The following RELL1 variants were observed in gnomAD, a reference collection of about 807,000 sequenced individuals.
RELL1 encodes the protein RELT-like protein 1.
A neutral mutation model predicts 23.0 loss-of-function variants in RELL1; 10 were observed. That is an observed-to-expected ratio of 0.43 (90% confidence interval 0.27 to 0.74). The LOEUF (loss-of-function observed/expected upper bound fraction) is 0.74. Among genes scored for constraint, RELL1 ranks in the 30% least tolerant of loss-of-function variants. The probability of loss-of-function intolerance (pLI) is 0.19; values close to 1 mark genes in which losing one functional copy is unlikely to be tolerated. For missense variants in RELL1, 315 were observed against 364.4 expected (o/e 0.86, Z 1.10); for synonymous variants, 146 against 146.8 (o/e 0.99, Z 0.04).
intron 1 of RELL1, among the ~76,000 whole-genome samples, chr4:37,681,967 A>T (rs1247369593): frequency 6.6e-6 from 1 of 152,246 alleles, no homozygotes; most frequent in Non-Finnish European, 1.5e-5. Context: ...TCAAAAAAAT[A>T]GTTTAGTAAT....
At chr4:37,677,389 GC>G (rs1014749822) in intron 1 of RELL1, among the ~76,000 whole-genome samples, 9 of 152,306 alleles carry the variant, frequency 5.9e-5, no homozygotes, top group Admixed American at 4.6e-4. Context: ...GTCTCTTCCA[GC>G]CCTAATACTA....
intron 6 of RELL1, among the ~76,000 whole-genome samples, chr4:37,630,367 T>G (rs536155533): frequency 0.011 from 1,251 of 116,466 alleles, 23 homozygotes; most frequent in African/African-American, 0.036. Context: ...TTTTTTTTTT[T>G]TTTTTTTTTT....
At chr4:37,606,028 G>A (rs1577559321), downstream of RELL1, among the ~76,000 whole-genome samples, 6 of 120,292 alleles carry the variant, frequency 5.0e-5, 1 homozygote, top group Admixed American at 5.3e-4. This position sits in a 1 kb window ranked among gnomAD's most constrained non-coding sequence, Gnocchi z 4.1. Context: ...GAAAGAGAAG[G>A]AAGGAGAAAG....
rs1719370469 is a variant in RELL1, at chr4:37,611,370, T to A, written c.*1976A>T. On this transcript the variant is annotated 3_prime_UTR_variant, in exon 7 of 7. Coordinates refer to ENST00000454158, the MANE Select transcript of RELL1 (RefSeq NM_001085400.2). Reference sequence around the variant, plus strand: ...CCAGTCCACAGTGTATATGAATATGTACACATACAGTGTTTATTAGTTGTC... The same window carrying A: ...CCAGTCCACAGTGTATATGAATATGAACACATACAGTGTTTATTAGTTGTC... Among the ~76,000 whole-genome samples, 1 of 152,174 alleles carries A rather than the reference T, an allele frequency of 6.6e-6. No homozygotes were observed.
At chr4:37,610,313 A>AGAC (rs1178496563), downstream of RELL1, among the ~76,000 whole-genome samples, 1 of 152,248 alleles carries the variant, frequency 6.6e-6, no homozygotes, top group African/African-American at 2.4e-5. The surrounding 1 kb of genome is among the most constrained non-coding windows in gnomAD (Gnocchi z 4.1). Context: ...TATACTTAAT[A>AGAC]GACTATAGTA....
chr4:37,626,830 A>C (rs546398450), intron 6 of RELL1, among the ~76,000 whole-genome samples: 4 of 151,824 alleles, frequency 2.6e-5, no homozygotes, highest in African/African-American at 9.7e-5. Context: ...GGAATCTAAA[A>C]AAAGTTGAAC....
intron 6 of RELL1, among the ~76,000 whole-genome samples, chr4:37,604,953 A>T (rs1437829214): frequency 6.7e-6 from 1 of 149,856 alleles, no homozygotes; most frequent in Non-Finnish European, 1.5e-5. Flanking sequence ...ATACACACAC[A>T]GAGACACACA....
chr4:37,646,343 A>G lies in RELL1; in HGVS notation c.385+1025T>C, dbSNP rs942995931. 2.0e-5 allele frequency among the ~76,000 whole-genome samples: 3 copies of G among 152,386 alleles called. No homozygotes were observed. In the East Asian group the frequency reaches 5.8e-4, roughly 29 times the overall value. Reference sequence around the variant, plus strand: ...TCAGGGTGAAAAAATACTAAATTTCATAAAAGTTCAACTTTGTAAAAGTGT... The same window carrying G: ...TCAGGGTGAAAAAATACTAAATTTCGTAAAAGTTCAACTTTGTAAAAGTGT... On this transcript the variant is annotated intron_variant, in intron 3 of 6. Coordinates refer to ENST00000454158, the MANE Select transcript of RELL1 (RefSeq NM_001085400.2).
At chr4:37,683,880 G>C (rs1036350949) in intron 1 of RELL1, among the ~76,000 whole-genome samples, 7 of 151,198 alleles carry the variant, frequency 4.6e-5, no homozygotes, top group Admixed American at 6.6e-5. Flanking sequence ...AGGAGATGGA[G>C]ACCATCCTGG....
chr4:37,605,846 G>GAAAGAAAGAA (rs1560324808), downstream of RELL1, among the ~76,000 whole-genome samples: 1 of 101,444 alleles, frequency 9.9e-6, no homozygotes, highest in Non-Finnish European at 2.0e-5. Flanking sequence ...AAAGAAAGAA[G>GAAAGAAAGAA]GAAAAGAAAA....
In RELL1 at chr4:37,612,938, G is replaced by A. The variant is rs78708524; in HGVS notation, c.*408C>T. The A allele has an allele frequency of 0.059, 8,909 of 152,228 alleles. 340 individuals carry two copies. The highest frequency in any genetic ancestry group is 0.087 in the Non-Finnish European group (5,911 of 68,052). 9.4% of individuals were successfully genotyped at this position (152,228 alleles called of 1,614,324 possible). A position where few individuals can be genotyped will look rare whatever the true frequency, so the allele number is the denominator to read the frequency against. On this transcript the variant is annotated 3_prime_UTR_variant, in exon 7 of 7. Coordinates refer to ENST00000454158, the MANE Select transcript of RELL1 (RefSeq NM_001085400.2). The stretch of plus-strand genomic sequence containing the variant: ...ACTGGAAAAAGAAACACACACTCAC[G>A]TGCACACATGCATACACATATACAC...
intron 1 of RELL1, among the ~76,000 whole-genome samples, chr4:37,669,949 C>G (rs1050594974): frequency 3.3e-5 from 5 of 151,524 alleles, no homozygotes; most frequent in African/African-American, 1.2e-4. Context: ...CCTTTGTTCA[C>G]TTGTTTATCT....
chr4:37,617,464 T>C (rs1218002975), intron 6 of RELL1, among the ~76,000 whole-genome samples: 1 of 152,128 alleles, frequency 6.6e-6, no homozygotes, highest in Non-Finnish European at 1.5e-5. Flanking sequence ...CAAAATCACT[T>C]AAAGACTGAA....
chr4:37,662,685 CCA>C (rs746738221), intron 1 of RELL1, among the ~76,000 whole-genome samples: 2 of 152,066 alleles, frequency 1.3e-5, no homozygotes, highest in Non-Finnish European at 2.9e-5. Context: ...CTAGCCTACT[CCA>C]CACTGTCTCG....
rs939010420 is a variant in RELL1 at position 37,611,054 on chromosome 4, A to G, written c.*2292T>C. Among the ~76,000 whole-genome samples, 3 of 152,346 alleles carry G rather than the reference A, an allele frequency of 2.0e-5. No individual in the cohort carries two copies. Among genetic ancestry groups the G allele is most frequent in the Admixed American group, 6.5e-5 (1 of 15,306 alleles). Reference sequence around the variant, plus strand: ...TATTTAAAACATACTCTTGGTATCAATACAGTTTTAAATATTTTTGAGTAT... The same window carrying G: ...TATTTAAAACATACTCTTGGTATCAGTACAGTTTTAAATATTTTTGAGTAT... On this transcript the variant is annotated 3_prime_UTR_variant, in exon 7 of 7. Transcript: ENST00000454158.
chr4:37,642,189 T>A (rs1169361295), intron 3 of RELL1, among the ~76,000 whole-genome samples: 1 of 152,206 alleles, frequency 6.6e-6, no homozygotes, highest in East Asian at 1.9e-4. Context: ...TATAAAGGAA[T>A]CTTTTCTGGC....
intron 1 of RELL1, among the ~76,000 whole-genome samples, chr4:37,684,125 C>G (rs1722321201): frequency 1.3e-5 from 2 of 152,072 alleles, no homozygotes; most frequent in South Asian, 4.1e-4. Flanking sequence ...GTACTCAACC[C>G]AAAGCCTGGC....
intron 6 of RELL1, among the ~76,000 whole-genome samples, chr4:37,628,987 C>A (rs896678731): frequency 6.6e-6 from 1 of 152,190 alleles, no homozygotes; most frequent in African/African-American, 2.4e-5. Context: ...ATCCTAATTC[C>A]TTCTAACCTT....
intron 1 of RELL1, among the ~76,000 whole-genome samples, chr4:37,685,314 T>G (rs539281849): frequency 6.6e-6 from 1 of 152,038 alleles, no homozygotes; most frequent in Non-Finnish European, 1.5e-5. Flanking sequence ...CCAGCTGTAG[T>G]AACCCCAAAT....
Sources: gnomAD v4.1 joint callset for allele counts (sites outside exome capture counted in the v4.1 genomes callset) on GRCh38, gnomAD v4.1.1 for gene constraint, Gnocchi (gnomAD v3.1) non-coding constraint, MANE v1.5 for transcripts, NCBI Gene and HGNC (gene_info 2026-07-23, HGNC 2026-07-21) for gene names.